The following SLC16A8 variants were observed in gnomAD, a reference collection of about 807,000 sequenced individuals.
SLC16A8 encodes solute carrier family 16 member 8.
A neutral mutation model predicts 22.4 loss-of-function variants in SLC16A8; 20 were observed. That is an observed-to-expected ratio of 0.89 (90% CI 0.63 to 1.30). The LOEUF is 1.30. Ranked by LOEUF, SLC16A8 falls within the 50% of genes most tolerant of loss-of-function variation. The pLI, the probability that SLC16A8 is intolerant of heterozygous loss-of-function variation, is 0.00. For missense variants in SLC16A8, 817 were observed against 740.3 expected (o/e 1.10, Z -1.20); for synonymous variants, 393 against 358.8 (o/e 1.10, Z -1.08).
In SLC16A8 at chr22:38,078,286, C is replaced by T. The variant is rs991155258; in HGVS notation, c.*102G>A. 33 of 1,164,742 alleles carry T rather than the reference C, an allele frequency of 2.8e-5. No homozygotes were observed. Among genetic ancestry groups the T allele is most frequent in the Admixed American group, 8.6e-5 (4 of 46,310 alleles). 72.2% of individuals were successfully genotyped at this position (1,164,742 alleles called of 1,614,324 possible). The stretch of plus-strand genomic sequence containing the variant: ...TCAACTGGAGCCCAGACGTGGACCC[C>T]GGGAGTGACCACCCCAGACCAGCCT... On this transcript the variant is annotated 3_prime_UTR_variant, in exon 6 of 6. Transcript: ENST00000681075.
chr22:38,081,185 C>T lies in SLC16A8; in HGVS notation c.853G>A (p.Asp285Asn). 6.4e-7 allele frequency: 1 copy of T among 1,555,756 alleles called. No individual in the cohort carries two copies. The highest frequency in any genetic ancestry group is 1.4e-5 in the African/African-American group (1 of 73,386). Residue 285 changes from aspartate to asparagine, a missense_variant, in exon 5 of 6, where the codon GAC becomes AAC. Transcript: ENST00000681075. ...GACAGCAGGAAGGCGGCGTCGGTGT[C>T]GGGCACGCCCGCGTCCTTGGCGTAG... is the stretch of plus-strand genomic sequence containing the variant. ...VNYAKDAGVP[D>N]TDAAFLLSIV...
intron 3 of SLC16A8, 134 bp from the exon 4 acceptor site, chr22:38,082,166 G>A (rs1341808592): frequency 1.0e-5 from 11 of 1,095,200 alleles, no homozygotes; most frequent in Admixed American, 5.7e-5. Flanking sequence ...GAGGGGACAG[G>A]CCAAAGAGAC....
At chr22:38,081,789 G>A (rs896841397) in intron 4 of SLC16A8, 100 bp downstream of exon 4, 19 of 1,464,496 alleles carry the variant, frequency 1.3e-5, no homozygotes, top group Middle Eastern at 1.8e-4. Flanking sequence ...CCCAGCCGAG[G>A]GACTTCGAAG....
At chr22:38,082,268 A>G (rs2085929472) in intron 3 of SLC16A8, among the ~76,000 whole-genome samples, 1 of 152,220 alleles carries the variant, frequency 6.6e-6, no homozygotes, top group South Asian at 2.1e-4. Context: ...TAACCTTCAC[A>G]GCCTCCAAGT....
chr22:38,078,348 T>C lies in SLC16A8; in HGVS notation c.*40A>G, dbSNP rs749065085. On this transcript the variant is annotated 3_prime_UTR_variant, in exon 6 of 6. Transcript: ENST00000681075. ...AGGCTCTCTGAGACAAGAAGCTGTG[T>C]TCCCAAGTCACTGGGCCACCCCACC... The C allele has an allele frequency of 2.6e-6, 4 of 1,546,976 alleles. No individual in the cohort carries two copies. Among genetic ancestry groups the C allele is most frequent in the Non-Finnish European group, 3.5e-6 (4 of 1,147,038 alleles).
Position 38,081,006 on chromosome 22 carries a change from G to A in SLC16A8, c.1032C>T (p.Gly344=), listed in dbSNP as rs1451073080. 16 of 1,597,328 alleles carry A rather than the reference G, an allele frequency of 1.0e-5. No homozygotes were observed. The highest frequency in any genetic ancestry group is 1.3e-5 in the Non-Finnish European group (15 of 1,177,500). Residue 344 remains glycine, a synonymous_variant, in exon 5 of 6, where the codon GGC becomes GGT. Coordinates refer to ENST00000681075, the MANE Select transcript of SLC16A8 (RefSeq NM_013356.3). The part of the protein sequence containing the change: ...DLSSARARSY[G]ALVAFCVAFG... ...AGGCGACGCAGAAGGCGACGAGGGC[G>A]CCGTAGGAGCGCGCGCGTGCGCTGC...
At chr22:38,078,798 C>T (rs1014738006) in intron 5 of SLC16A8, 94 bp from the exon 6 acceptor site, 5 of 1,076,324 alleles carry the variant, frequency 4.6e-6, no homozygotes, top group Non-Finnish European at 6.7e-6. Context: ...GTGCCACTGA[C>T]TTGGTGAGGC....
rs1166537287 is a variant in SLC16A8, at chr22:38,078,409, C to T, written c.1494G>A (p.Arg498=). 6.2e-7 allele frequency: 1 copy of T among 1,602,904 alleles called. No homozygotes were observed. The highest frequency in any genetic ancestry group is 1.1e-5 in the South Asian group (1 of 90,968). The part of the protein sequence containing the change: ...PTEPEIEARP[R]LAAESV Reference sequence around the variant, plus strand: ...TGAGTTATACAGACTCGGCAGCCAGCCTCGGCCTCGCCTCTATTTCTGGTT... The same window carrying T: ...TGAGTTATACAGACTCGGCAGCCAGTCTCGGCCTCGCCTCTATTTCTGGTT... The change falls in exon 6 of 6, where the codon AGG becomes AGA. Residue 498 remains arginine, a synonymous_variant. Coordinates refer to ENST00000681075, the MANE Select transcript of SLC16A8 (RefSeq NM_013356.3).
At chr22:38,082,160 G>C in intron 3 of SLC16A8, 128 bp from the exon 4 acceptor site, 1 of 1,143,788 alleles carries the variant, frequency 8.7e-7, no homozygotes, top group Non-Finnish European at 1.2e-6. Flanking sequence ...AGCTTGGAGG[G>C]GACAGGCCAA....
rs2085919046 is a variant in SLC16A8 at position 38,081,607 on chromosome 22, A to C, written c.431T>G (p.Leu144Arg). Residue 144 changes from leucine (L) to arginine (R), a missense_variant, in exon 5 of 6, where the codon CTG (leucine) becomes CGG (arginine). Coordinates refer to ENST00000681075, the MANE Select transcript of SLC16A8 (RefSeq NM_013356.3). The stretch of plus-strand genomic sequence containing the variant: ...GCCCGCCGCCGCCAGCCCGTTGGCC[A>C]GAGGCCGCCGCCGCTCGAAGTACAG... ...LGLYFERRRPLANGLAAAGSP... is the reference protein window; with the variant it reads ...LGLYFERRRPRANGLAAAGSP... 6.6e-7 allele frequency: 1 copy of C among 1,519,836 alleles called. No homozygotes were observed. The highest frequency in any genetic ancestry group is 1.2e-5 in the South Asian group (1 of 82,588). 94.1% of individuals were successfully genotyped at this position (1,519,836 alleles called of 1,614,324 possible).
chr22:38,082,576 G>C (rs2085934873), intron 3 of SLC16A8, 84 bp downstream of exon 3: 1 of 1,206,354 alleles, frequency 8.3e-7, no homozygotes, highest in Admixed American at 2.5e-5. Flanking sequence ...CCGAGGGTCA[G>C]GGGGATGCTC....
chr22:38,078,631 C>T lies in SLC16A8; in HGVS notation c.1272G>A (p.Gly424=). The part of the protein sequence containing the change: ...YLAGSEVALA[G]VFMAVATNCC... ...AGTTGGTGGCGACAGCCATGAAGACCCCAGCCAGGGCCACCTCAGAGCCGG... is the reference window on the plus strand; with the variant it reads ...AGTTGGTGGCGACAGCCATGAAGACTCCAGCCAGGGCCACCTCAGAGCCGG... The change falls in exon 6 of 6, where the codon GGG becomes GGA. Residue 424 remains glycine, a synonymous_variant. Coordinates refer to ENST00000681075, the MANE Select transcript of SLC16A8 (RefSeq NM_013356.3). 1 of 1,613,976 alleles carries T rather than the reference C, an allele frequency of 6.2e-7. No homozygotes were observed. The highest frequency in any genetic ancestry group is 8.5e-7 in the Non-Finnish European group (1 of 1,179,888).
rs533463902 is a variant in SLC16A8 at position 38,082,282 on chromosome 22, G to T, written c.215-250C>A. Among the ~76,000 whole-genome samples the T allele has an allele frequency of 2.2e-3, 342 of 152,362 alleles. 1 individual carries two copies. Among genetic ancestry groups the T allele is most frequent in the African/African-American group, 7.8e-3 (325 of 41,590 alleles). On this transcript the variant is annotated intron_variant, in intron 3 of 5. Transcript: ENST00000681075. Reference sequence around the variant, plus strand: ...TTAACCTTCACAGCCTCCAAGTCCCGCCCTGGCACAGACTGGGATTCCTCC... The same window carrying T: ...TTAACCTTCACAGCCTCCAAGTCCCTCCCTGGCACAGACTGGGATTCCTCC...
At chr22:38,081,850 AC>A in intron 4 of SLC16A8, 38 bp downstream of exon 4, 2 of 1,566,560 alleles carry the variant, frequency 1.3e-6, no homozygotes, top group South Asian at 1.2e-5. Context: ...AGAACCCCCG[AC>A]CCCCAACCCA....
Position 38,082,801 on chromosome 22 carries a change from A to G in SLC16A8, c.73T>C (p.Cys25Arg), listed in dbSNP as rs2085940102. Residue 25 changes from cysteine to arginine, a missense_variant, in exon 3 of 6, where the codon TGC becomes CGC. Transcript: ENST00000681075. The stretch of plus-strand genomic sequence containing the variant: ...TAGGCGAAGCCGGTGACCACAAAGC[A>G]GGCGCCCAGCACCACCCAGCCCCAG... ...GGWGWVVLGA[C>R]FVVTGFAYGF... The G allele has an allele frequency of 1.3e-6, 2 of 1,593,674 alleles. No homozygotes were observed. The highest frequency in any genetic ancestry group is 2.7e-5 in the African/African-American group (2 of 74,952).
chr22:38,081,858 C>T (rs1247704613), intron 4 of SLC16A8, 31 bp downstream of exon 4: 34 of 1,580,706 alleles, frequency 2.2e-5, no homozygotes, highest in Non-Finnish European at 2.8e-5. Context: ...CGACCCCCAA[C>T]CCAGCGGAGA....
chr22:38,078,316 G>A lies in SLC16A8; in HGVS notation c.*72C>T. On this transcript the variant is annotated 3_prime_UTR_variant, in exon 6 of 6. Transcript: ENST00000681075. ...GTGACCACCCCAGACCAGCCTCCCA[G>A]CGTACCAGGCTCTCTGAGACAAGAA... 6.9e-7 allele frequency: 1 copy of A among 1,446,084 alleles called. No homozygotes were observed. Among genetic ancestry groups the A allele is most frequent in the Non-Finnish European group, 9.3e-7 (1 of 1,070,040 alleles). 89.6% of individuals were successfully genotyped at this position (1,446,084 alleles called of 1,614,324 possible). A position where few individuals can be genotyped will look rare whatever the true frequency, so the allele number is the denominator to read the frequency against.
rs2085962996 is a variant in SLC16A8 at position 38,084,017 on chromosome 22, A to G, written c.-358T>C. The G allele has an allele frequency of 6.6e-6, 1 of 152,298 alleles. No individual in the cohort carries two copies. The highest frequency in any genetic ancestry group is 1.5e-5 in the Non-Finnish European group (1 of 68,138). The allele number at this position is 152,298 out of a possible 1,614,324, so 9.4% of individuals were successfully genotyped here. ...GCCTGCCTCGTGGGTTTGGGGGTCC[A>G]GCCTCACATCTCCTGAGGCCTGCAG... On this transcript the variant is annotated 5_prime_UTR_variant, in exon 1 of 6. Transcript: ENST00000681075.
Position 38,079,637 on chromosome 22 carries a change from C to T in SLC16A8, c.1199-933G>A, listed in dbSNP as rs569942345. 1.6e-4 allele frequency among the ~76,000 whole-genome samples: 24 copies of T among 152,204 alleles called. No individual in the cohort carries two copies. In the South Asian group the frequency reaches 2.7e-3, roughly 17 times the overall value. On this transcript the variant is annotated intron_variant, in intron 5 of 5. Transcript: ENST00000681075. The stretch of plus-strand genomic sequence containing the variant: ...GAGACAGGGTTTTGCCATGTTGCCC[C>T]GGCTGGTTTCAGACTTCTGGCCTCA...
Sources: allele counts gnomAD v4.1 joint callset (sites outside exome capture counted in the v4.1 genomes callset), GRCh38; gene constraint gnomAD v4.1.1; transcripts MANE v1.5; gene names NCBI Gene and HGNC (gene_info 2026-07-23, HGNC 2026-07-21).